PARD3B: variants seen among roughly 807,000 people sequenced by gnomAD.
The protein encoded by PARD3B is partitioning defective 3 homolog B.
In PARD3B, 103 loss-of-function variants were observed where a neutral mutation model predicts 130.2. That is an observed-to-expected ratio of 0.79 (90% CI 0.67 to 0.93). The LOEUF is 0.93. Among genes scored for constraint, PARD3B ranks in the 40% least tolerant of loss-of-function variants. The pLI, the probability that PARD3B is intolerant of heterozygous loss-of-function variation, is 0.00. For missense variants in PARD3B, 1,609 were observed against 1,499.2 expected (o/e 1.07, Z -1.21); for synonymous variants, 583 against 553.2 (o/e 1.05, Z -0.76).
At chr2:205,012,799 C>G (rs998421178) in intron 3 of PARD3B, among the ~76,000 whole-genome samples, 2 of 152,184 alleles carry the variant, frequency 1.3e-5, no homozygotes, top group Non-Finnish European at 2.9e-5. Context: ...AAGCTATAAA[C>G]AAGTTGGAAG....
chr2:205,042,851 G>A (rs1348925875), intron 3 of PARD3B, among the ~76,000 whole-genome samples: 2 of 150,690 alleles, frequency 1.3e-5, no homozygotes, highest in East Asian at 3.9e-4. Flanking sequence ...TGATGCATAA[G>A]GGCAACCTCA....
At position 205,091,076 on chromosome 2, in the gene PARD3B, A is replaced by G. The variant is rs1310558373; in HGVS notation, c.505-13350A>G. ...CAGTTATAAATATGTAAATTAAGCA[A>G]TCTGATTATAGTACACCTTGGCTGC... On this transcript the variant is annotated intron_variant, in intron 4 of 22. Coordinates refer to ENST00000406610, the MANE Select transcript of PARD3B (RefSeq NM_001302769.2). The surrounding 1 kb of genome is among the most constrained non-coding windows in gnomAD (Gnocchi z 4.2). 6.6e-6 allele frequency among the ~76,000 whole-genome samples: 1 copy of G among 152,198 alleles called. No individual in the cohort carries two copies. The highest frequency in any genetic ancestry group is 1.5e-5 in the Non-Finnish European group (1 of 68,040).
chr2:204,616,138 T>A (rs2034104063), intron 1 of PARD3B, among the ~76,000 whole-genome samples: 1 of 152,150 alleles, frequency 6.6e-6, no homozygotes, highest in African/African-American at 2.4e-5. Flanking sequence ...TTCATAAAAC[T>A]AAGAATTTCT....
rs1402657812 is a variant in PARD3B at position 204,906,448 on chromosome 2, G to C, written c.223-58704G>C. On this transcript the variant is annotated intron_variant, in intron 2 of 22. Transcript: ENST00000406610. This position sits in a 1 kb window ranked among gnomAD's most constrained non-coding sequence, Gnocchi z 4.3. ...GTATAAATGAATGAATATGGGAAGA[G>C]AGAATTCTCCTCCCGTGCCAGTTAT... Among the ~76,000 whole-genome samples, 1 of 152,136 alleles carries C rather than the reference G, an allele frequency of 6.6e-6. No homozygotes were observed. Among genetic ancestry groups the C allele is most frequent in the African/African-American group, 2.4e-5 (1 of 41,432 alleles).
At chr2:204,732,067 G>C (rs948470592) in intron 2 of PARD3B, among the ~76,000 whole-genome samples, 1 of 141,110 alleles carries the variant, frequency 7.1e-6, no homozygotes, top group Non-Finnish European at 1.5e-5. Context: ...CTCTTTCCAT[G>C]TAGAAAATAA....
At chr2:205,551,172 G>A (rs1460700532) in intron 21 of PARD3B, among the ~76,000 whole-genome samples, 1 of 151,546 alleles carries the variant, frequency 6.6e-6, no homozygotes, top group Non-Finnish European at 1.5e-5. Flanking sequence ...AATATCCAGA[G>A]CTATACTATG....
At chr2:205,308,502 G>C (rs1349647805) in intron 18 of PARD3B, among the ~76,000 whole-genome samples, 1 of 151,326 alleles carries the variant, frequency 6.6e-6, no homozygotes, top group East Asian at 2.0e-4. Flanking sequence ...AGCTACTCAG[G>C]AGGCTGAGGC....
Position 205,331,782 on chromosome 2 carries a change from C to CAAAAAAAAAAAAAAAAAAAAAAAAAA in PARD3B, c.2630+30104_2630+30105insAAAAAAAAAAAAAAAAAAAAAAAAAA, listed in dbSNP as rs56654511. Among the ~76,000 whole-genome samples, 31 of 48,400 alleles carry CAAAAAAAAAAAAAAAAAAAAAAAAAA rather than the reference C, an allele frequency of 6.4e-4. 1 individual carries two copies. The highest frequency in any genetic ancestry group is 2.7e-3 in the African/African-American group (25 of 9,300). 31.8% of individuals were successfully genotyped at this position (48,400 alleles called of 152,430 possible). ...TGGGCGACAGAGTGAGACTCCGTCT[C>CAAAAAAAAAAAAAAAAAAAAAAAAAA]AAAAAAAAAAAAAAAAAAAAAAAGA... On this transcript the variant is annotated intron_variant, in intron 18 of 22. Coordinates refer to ENST00000406610, the MANE Select transcript of PARD3B (RefSeq NM_001302769.2).
At chr2:205,220,790 G>C (rs372106005) in intron 15 of PARD3B, among the ~76,000 whole-genome samples, 1 of 152,164 alleles carries the variant, frequency 6.6e-6, no homozygotes, top group South Asian at 2.1e-4. Context: ...GAACTTTGTG[G>C]CTATCTGTGA....
intron 15 of PARD3B, among the ~76,000 whole-genome samples, chr2:205,201,720 C>G (rs1166991208): frequency 6.6e-6 from 1 of 152,144 alleles, no homozygotes; most frequent in Non-Finnish European, 1.5e-5. Flanking sequence ...GCCTGTAATC[C>G]CAGCTACTTG....
chr2:205,369,695 AACCTCCCT>A (rs1311366409), intron 18 of PARD3B, among the ~76,000 whole-genome samples: 1 of 152,192 alleles, frequency 6.6e-6, no homozygotes, highest in Non-Finnish European at 1.5e-5. Context: ...TCAATGCTTT[AACCTCCCT>A]ACATTACAGA....
In PARD3B at chr2:204,690,061, TGCCTATA is replaced by T. The variant is rs1386378855; in HGVS notation, c.222+3784_222+3790del. On this transcript the variant is annotated intron_variant, in intron 2 of 22. Coordinates refer to ENST00000406610, the MANE Select transcript of PARD3B (RefSeq NM_001302769.2). Reference sequence around the variant, plus strand: ...ATATTTAATATATTTCAACCCTGTTTGCCTATAGCCTGCATCTAGTTTATTGTAAAGG... The same window carrying T: ...ATATTTAATATATTTCAACCCTGTTTGCCTGCATCTAGTTTATTGTAAAGG... Among the ~76,000 whole-genome samples the T allele has an allele frequency of 2.6e-5, 4 of 152,192 alleles. No individual in the cohort carries two copies. The East Asian group carries it at 7.7e-4, about 29-fold the overall frequency.
At chr2:205,201,439 C>T (rs749718487) in intron 15 of PARD3B, among the ~76,000 whole-genome samples, 1 of 152,082 alleles carries the variant, frequency 6.6e-6, no homozygotes, top group Non-Finnish European at 1.5e-5. Context: ...GCAGAACTCA[C>T]CAAAATTATG....
At chr2:205,113,175 T>C (rs1703763325) in intron 5 of PARD3B, among the ~76,000 whole-genome samples, 1 of 152,186 alleles carries the variant, frequency 6.6e-6, no homozygotes, top group Non-Finnish European at 1.5e-5. Flanking sequence ...ATTTTAATTT[T>C]TGTGTACCTC....
intron 1 of PARD3B, among the ~76,000 whole-genome samples, chr2:204,558,583 G>A (rs1175659046): frequency 6.6e-6 from 1 of 152,162 alleles, no homozygotes; most frequent in Admixed American, 6.5e-5. Context: ...CTCATGGATA[G>A]GAAGAATCAA....
intron 1 of PARD3B, among the ~76,000 whole-genome samples, chr2:204,666,867 G>A (rs1375244548): frequency 1.3e-5 from 2 of 152,172 alleles, no homozygotes; most frequent in East Asian, 3.9e-4. Flanking sequence ...AGTCCTAGCG[G>A]TAGATGAGCT....
chr2:205,034,119 C>T (rs1297379237), intron 3 of PARD3B, among the ~76,000 whole-genome samples: 3 of 152,160 alleles, frequency 2.0e-5, no homozygotes, highest in African/African-American at 2.4e-5. Flanking sequence ...ATACCCTTTT[C>T]ATGACCTCCA....
In PARD3B at chr2:205,301,327, G is replaced by A; in HGVS notation, c.2393-137G>A. 7.1e-7 allele frequency: 1 copy of A among 1,412,562 alleles called. No individual in the cohort carries two copies. Among genetic ancestry groups the A allele is most frequent in the Admixed American group, 2.6e-5 (1 of 38,238 alleles). 87.5% of individuals were successfully genotyped at this position (1,412,562 alleles called of 1,614,324 possible). ...ATTTAGGCAGTCAGATCTTCAAAGG[G>A]CGCACGTAACCACATAGAAGGGTAG... On this transcript the variant is annotated intron_variant, in intron 17 of 22. Transcript: ENST00000406610. This position sits in a 1 kb window ranked among gnomAD's most constrained non-coding sequence, Gnocchi z 5.2.
At chr2:204,741,726 G>A (rs2040016901) in intron 2 of PARD3B, among the ~76,000 whole-genome samples, 1 of 152,154 alleles carries the variant, frequency 6.6e-6, no homozygotes, top group African/African-American at 2.4e-5. Flanking sequence ...GCACTTTGTA[G>A]ACATAAGGTA....
Sources: allele counts gnomAD v4.1 joint callset (sites outside exome capture counted in the v4.1 genomes callset), GRCh38; gene constraint gnomAD v4.1.1; non-coding constraint Gnocchi (gnomAD v3.1); transcripts MANE v1.5; gene names NCBI Gene and HGNC (gene_info 2026-07-23, HGNC 2026-07-21).